Variants in ABCD2 observed in about 807,000 individuals in gnomAD.
ABCD2 encodes the protein ATP-binding cassette sub-family D member 2.
In ABCD2, 36 loss-of-function variants were observed where a neutral mutation model predicts 70.9. That is an observed-to-expected ratio of 0.51 (90% CI 0.39 to 0.67). The LOEUF is 0.67. ABCD2 is among the 30% of genes least tolerant of loss of function. The pLI is 0.00. For synonymous variants in ABCD2, 304 were observed against 306.9 expected, an observed-to-expected ratio of 0.99 and a Z score of 0.10; for missense variants, 729 against 890.2, an observed-to-expected ratio of 0.82 and a Z score of 2.30.
intron 9 of ABCD2, among the ~76,000 whole-genome samples, chr12:39,564,982 G>GT (rs1445539674): frequency 6.6e-6 from 1 of 152,120 alleles, no homozygotes; most frequent in Non-Finnish European, 1.5e-5. Context: ...CTGTTCCATT[G>GT]GCTATATCTC....
At chr12:39,565,171 C>T in intron 9 of ABCD2, among the ~76,000 whole-genome samples, 1 of 152,108 alleles carries the variant, frequency 6.6e-6, no homozygotes, top group East Asian at 1.9e-4. Flanking sequence ...TGAAGAAAGT[C>T]ATTGGTAGCT....
chr12:39,533,502 T>C, the ABCD2 span, among the ~76,000 whole-genome samples: 8 of 152,158 alleles, frequency 5.3e-5, no homozygotes, highest in Non-Finnish European at 8.8e-5. Context: ...ATAATCTAAA[T>C]TAAGAGCTCT....
the ABCD2 span, among the ~76,000 whole-genome samples, chr12:39,531,850 T>C: frequency 6.6e-6 from 1 of 152,272 alleles, no homozygotes; most frequent in African/African-American, 2.4e-5. Flanking sequence ...ACCCATATAT[T>C]CGCAAATGCC....
rs959154093 is a variant in ABCD2, at chr12:39,550,210, A to G, written c.*3702T>C. The G allele has an allele frequency of 1.3e-5, 2 of 151,816 alleles. No individual in the cohort carries two copies. Among genetic ancestry groups the G allele is most frequent in the Admixed American group, 6.6e-5 (1 of 15,210 alleles). 9.4% of individuals were successfully genotyped at this position (151,816 alleles called of 1,614,324 possible). On this transcript the variant is annotated 3_prime_UTR_variant, in exon 10 of 10. Transcript: ENST00000308666. ...ACAATACAATGTCTAAGTAAGGCGT[A>G]TATAGACATATACCCAACATGGCCA...
intron 6 of ABCD2, among the ~76,000 whole-genome samples, chr12:39,592,854 G>T (rs1941765273): frequency 6.6e-6 from 1 of 152,170 alleles, no homozygotes; most frequent in Non-Finnish European, 1.5e-5. Context: ...ATTAAGAATT[G>T]ACAGGTCCAA....
At chr12:39,543,963 G>T in the ABCD2 span, among the ~76,000 whole-genome samples, 1 of 152,220 alleles carries the variant, frequency 6.6e-6, no homozygotes, top group African/African-American at 2.4e-5. Flanking sequence ...ACCACCCAAG[G>T]AGCTCACCTT....
intron 2 of ABCD2, among the ~76,000 whole-genome samples, chr12:39,613,778 T>C (rs1205408208): frequency 6.6e-6 from 1 of 152,242 alleles, no homozygotes; most frequent in African/African-American, 2.4e-5. Context: ...AGCTCCTCTT[T>C]TGATGTGAAA....
At chr12:39,596,478 C>T (rs1941816810) in intron 6 of ABCD2, among the ~76,000 whole-genome samples, 3 of 147,966 alleles carry the variant, frequency 2.0e-5, no homozygotes, top group Non-Finnish European at 4.6e-5. Context: ...GCTATTTCTC[C>T]CTTTTTTTCT....
intron 6 of ABCD2, among the ~76,000 whole-genome samples, chr12:39,597,868 G>T (rs937349589): frequency 2.4e-4 from 37 of 152,078 alleles, no homozygotes; most frequent in Admixed American, 1.4e-3. Flanking sequence ...ACATTTTTTT[G>T]TGTGTGTATT....
intron 1 of ABCD2, 56 bp from the exon 2 acceptor site, chr12:39,617,224 T>G: frequency 6.1e-6 from 1 of 164,240 alleles, no homozygotes; most frequent in Non-Finnish European, 1.0e-5. Flanking sequence ...CATATTATTC[T>G]TTTTTTTTTT....
intron 2 of ABCD2, among the ~76,000 whole-genome samples, chr12:39,612,717 A>G (rs978135437): frequency 1.3e-5 from 2 of 152,220 alleles, no homozygotes; most frequent in Non-Finnish European, 2.9e-5. Flanking sequence ...AAAAGAGTAC[A>G]ATTATATCCA....
the ABCD2 span, among the ~76,000 whole-genome samples, chr12:39,532,076 G>C: frequency 2.0e-5 from 3 of 152,218 alleles, no homozygotes; most frequent in East Asian, 5.8e-4. Flanking sequence ...AAATAGAAGT[G>C]TAGAAAGAAG....
chr12:39,618,562 G>A, intron 1 of ABCD2, 115 bp downstream of exon 1: 1 of 861,694 alleles, frequency 1.2e-6, no homozygotes, highest in Non-Finnish European at 1.8e-6. Flanking sequence ...GATGTCAGAG[G>A]AATCTAAGAC....
intron 9 of ABCD2, among the ~76,000 whole-genome samples, chr12:39,557,484 C>T (rs138812533): frequency 6.6e-6 from 1 of 152,062 alleles, no homozygotes; most frequent in Non-Finnish European, 1.5e-5. Flanking sequence ...AAAGAAAAAC[C>T]CCTTTTCTTG....
chr12:39,613,571 G>T (rs1942076873), intron 2 of ABCD2, among the ~76,000 whole-genome samples: 1 of 151,976 alleles, frequency 6.6e-6, no homozygotes, highest in Admixed American at 6.6e-5. Context: ...CAACCATTTG[G>T]TCCCATGGTT....
chr12:39,619,571 G>T lies in ABCD2; in HGVS notation c.45C>A (p.Thr15=), dbSNP rs778036983. 1.2e-6 allele frequency: 2 copies of T among 1,610,762 alleles called. No individual in the cohort carries two copies. The highest frequency in any genetic ancestry group is 1.7e-6 in the Non-Finnish European group (2 of 1,179,956). The change falls in exon 1 of 10, where the codon ACC becomes ACA. Residue 15 remains threonine (T), a synonymous_variant. Coordinates refer to ENST00000308666, the MANE Select transcript of ABCD2 (RefSeq NM_005164.4). ...CAGCCCTCTTAGCAGCACTCGATCT[G>T]GTCCATTTCACTCGATCAGCTGCTG... ...LNAAADRVKW[T]RSSAAKRAAC...
rs74684631 is a variant in ABCD2 at position 39,584,111 on chromosome 12, G to T, written c.1792+2041C>A. Reference sequence around the variant, plus strand: ...TTTGAGGAATTGCCACACTGTGGTTGAACTGATTTACACTCCCACCAACAG... The same window carrying T: ...TTTGAGGAATTGCCACACTGTGGTTTAACTGATTTACACTCCCACCAACAG... On this transcript the variant is annotated intron_variant, in intron 7 of 9. Coordinates refer to ENST00000308666, the MANE Select transcript of ABCD2 (RefSeq NM_005164.4). Among the ~76,000 whole-genome samples the T allele has an allele frequency of 3.2e-3, 484 of 152,156 alleles. 6 individuals are homozygous for T. The highest frequency in any genetic ancestry group is 0.011 in the African/African-American group (474 of 41,530).
rs1941983878 is a variant in ABCD2, at chr12:39,607,459, C to G, written c.1236+140G>C. 9.5e-6 allele frequency: 6 copies of G among 630,334 alleles called. No homozygotes were observed. In the East Asian group the frequency reaches 1.7e-4, roughly 18 times the overall value. 39.0% of individuals were successfully genotyped at this position (630,334 alleles called of 1,614,324 possible). Reference sequence around the variant, plus strand: ...CAGCATTACACTTGTGAATTGCTGCCCTTAATCTTGATTATACGCAGCAAT... The same window carrying G: ...CAGCATTACACTTGTGAATTGCTGCGCTTAATCTTGATTATACGCAGCAAT... On this transcript the variant is annotated intron_variant, in intron 3 of 9. Transcript: ENST00000308666.
Position 39,618,922 on chromosome 12 carries a change from T to C in ABCD2, c.694A>G (p.Ile232Val). ...TAGGAGGTCAGCATTACATCTAAAATAGGTTTGGTCAGATTGGAATACAAG... is the reference window on the plus strand; with the variant it reads ...TAGGAGGTCAGCATTACATCTAAAACAGGTTTGGTCAGATTGGAATACAAG... ...AHLYSNLTKPILDVMLTSYTL... is the reference protein window; with the variant it reads ...AHLYSNLTKPVLDVMLTSYTL... Residue 232 changes from isoleucine (I) to valine (V), a missense_variant, in exon 1 of 10, where the codon ATT (isoleucine) becomes GTT (valine). Coordinates refer to ENST00000308666, the MANE Select transcript of ABCD2 (RefSeq NM_005164.4). The C allele has an allele frequency of 6.2e-7, 1 of 1,614,172 alleles. No homozygotes were observed. The highest frequency in any genetic ancestry group is 8.5e-7 in the Non-Finnish European group (1 of 1,180,022).
Sources: allele counts gnomAD v4.1 joint callset (sites outside exome capture counted in the v4.1 genomes callset), GRCh38; gene constraint gnomAD v4.1.1; transcripts MANE v1.5; gene names NCBI Gene and HGNC (gene_info 2026-07-23, HGNC 2026-07-21).